The following ENAH variants were observed in gnomAD, a reference collection of about 807,000 sequenced individuals.
ENAH encodes the protein ENAH actin regulator, also known as protein enabled homolog.
A neutral mutation model predicts 78.7 loss-of-function variants in ENAH; 23 were observed. The observed-to-expected ratio is 0.29, with a 90% CI of 0.21 to 0.41. The LOEUF (loss-of-function observed/expected upper bound fraction) is 0.41, where lower values mean the gene tolerates loss of function less well. Ranked by LOEUF, ENAH falls within the 10% of genes least tolerant of loss-of-function variation. ENAH has a pLI of 1.00. For missense variants in ENAH, 544 were observed against 691.0 expected (o/e 0.79, Z 2.39); for synonymous variants, 226 against 241.0 (o/e 0.94, Z 0.58).
At chr1:225,551,003 T>C (rs1159677488) in intron 3 of ENAH, among the ~76,000 whole-genome samples, 1 of 152,232 alleles carries the variant, frequency 6.6e-6, no homozygotes, top group Non-Finnish European at 1.5e-5. Flanking sequence ...GTAGTTTATA[T>C]AATCCATAAC....
In ENAH at chr1:225,536,892, A is replaced by G. The variant is rs200382026; in HGVS notation, c.350-6254T>C. Among the ~76,000 whole-genome samples, 4 of 152,094 alleles carry G rather than the reference A, an allele frequency of 2.6e-5. No individual in the cohort carries two copies. In the East Asian group the frequency reaches 7.7e-4, roughly 29 times the overall value. On this transcript the variant is annotated intron_variant, in intron 3 of 13. Transcript: ENST00000366843. ...GCATGCACAATATTTATTTACAGTA[A>G]TGACATAAGATATAGAAAGACCACA...
Position 225,576,646 on chromosome 1 carries a change from A to G in ENAH, c.6-9232T>C, listed in dbSNP as rs80122427. On this transcript the variant is annotated intron_variant, in intron 1 of 13. Coordinates refer to ENST00000366843, the MANE Select transcript of ENAH (RefSeq NM_018212.6). The stretch of plus-strand genomic sequence containing the variant: ...AGAAAAAGCTTTACAGCAAAAGACT[A>G]GAGAATTAACACATATAACAGAGAC... Among the ~76,000 whole-genome samples the G allele has an allele frequency of 3.2e-3, 487 of 151,958 alleles. 2 individuals are homozygous for G. The highest frequency in any genetic ancestry group is 6.8e-3 in the Middle Eastern group (2 of 294).
intron 12 of ENAH, 59 bp downstream of exon 12, chr1:225,500,932 TG>T (rs2096278817): frequency 2.8e-6 from 4 of 1,438,096 alleles, no homozygotes; most frequent in Non-Finnish European, 3.9e-6. Flanking sequence ...GATATGCATA[TG>T]GGATATTTTT....
At chr1:225,555,682 C>T (rs2096663115) in intron 2 of ENAH, among the ~76,000 whole-genome samples, 1 of 152,050 alleles carries the variant, frequency 6.6e-6, no homozygotes, top group African/African-American at 2.4e-5. Flanking sequence ...AAAGTATACA[C>T]AACCTAAGAG....
chr1:225,506,326 C>T (rs1283593283), intron 11 of ENAH, among the ~76,000 whole-genome samples: 11 of 152,104 alleles, frequency 7.2e-5, no homozygotes, highest in African/African-American at 2.4e-4. Flanking sequence ...TAGCTGGCAT[C>T]GCAGGTGTGC....
At chr1:225,526,024 G>A (rs183413077) in intron 4 of ENAH, among the ~76,000 whole-genome samples, 1 of 152,200 alleles carries the variant, frequency 6.6e-6, no homozygotes, top group East Asian at 1.9e-4. Flanking sequence ...TGTCTATGGC[G>A]AGCTACAAAG....
intron 1 of ENAH, among the ~76,000 whole-genome samples, chr1:225,641,469 T>TAAA (rs76444455): frequency 0.037 from 1,904 of 52,140 alleles, 37 homozygotes; most frequent in South Asian, 0.075. Flanking sequence ...ACTCCATCTC[T>TAAA]AAAAAAAAAA....
intron 1 of ENAH, among the ~76,000 whole-genome samples, chr1:225,591,764 C>CAAAAAAAAA (rs55680042): frequency 5.1e-5 from 2 of 39,514 alleles, no homozygotes; most frequent in African/African-American, 6.6e-5. Flanking sequence ...GACTCCGTCT[C>CAAAAAAAAA]AAAAAAAAAA....
At chr1:225,569,516 G>C (rs1423302036) in intron 1 of ENAH, among the ~76,000 whole-genome samples, 2 of 152,118 alleles carry the variant, frequency 1.3e-5, no homozygotes, top group Admixed American at 6.5e-5. Context: ...GTGTCAGTAA[G>C]ATCATATAAG....
At chr1:225,615,860 T>A (rs1575735604) in intron 1 of ENAH, among the ~76,000 whole-genome samples, 1 of 149,972 alleles carries the variant, frequency 6.7e-6, no homozygotes, top group Non-Finnish European at 1.5e-5. Flanking sequence ...CGGGCCATGA[T>A]GACGATGGCG....
intron 1 of ENAH, among the ~76,000 whole-genome samples, chr1:225,588,744 G>A (rs2096859822): frequency 6.9e-6 from 1 of 145,102 alleles, no homozygotes; most frequent in African/African-American, 2.6e-5. Context: ...GGCGGAGGTT[G>A]CAGTGAGCCG....
At chr1:225,548,403 C>A (rs963888957) in intron 3 of ENAH, among the ~76,000 whole-genome samples, 2 of 152,116 alleles carry the variant, frequency 1.3e-5, no homozygotes, top group Non-Finnish European at 2.9e-5. Context: ...AACTCAAGTT[C>A]TTTCTACTAA....
chr1:225,562,932 C>G (rs1239854268), intron 2 of ENAH, among the ~76,000 whole-genome samples: 1 of 150,980 alleles, frequency 6.6e-6, no homozygotes, highest in African/African-American at 2.4e-5. Flanking sequence ...ATGGTCACAC[C>G]ACTGCATTCC....
intron 4 of ENAH, among the ~76,000 whole-genome samples, chr1:225,525,065 A>C (rs988630107): frequency 6.6e-6 from 1 of 152,168 alleles, no homozygotes; most frequent in African/African-American, 2.4e-5. Context: ...ACTAACGCTC[A>C]CCACTTCTGA....
intron 2 of ENAH, among the ~76,000 whole-genome samples, chr1:225,563,212 T>G (rs2096717314): frequency 6.6e-6 from 1 of 152,224 alleles, no homozygotes; most frequent in African/African-American, 2.4e-5. Context: ...GAGATTTTTA[T>G]GCAGACAATT....
intron 3 of ENAH, among the ~76,000 whole-genome samples, chr1:225,536,417 G>T (rs1010141840): frequency 6.6e-6 from 1 of 151,830 alleles, no homozygotes; most frequent in Non-Finnish European, 1.5e-5. Context: ...TTACTTTAGT[G>T]ACATCCAAAA....
intron 11 of ENAH, among the ~76,000 whole-genome samples, chr1:225,502,532 C>G (rs1558708889): frequency 6.6e-6 from 1 of 152,072 alleles, no homozygotes; most frequent in African/African-American, 2.4e-5. Flanking sequence ...ACTATCAAAA[C>G]GTATTACTGC....
intron 11 of ENAH, among the ~76,000 whole-genome samples, chr1:225,504,139 T>G (rs2096307072): frequency 6.6e-6 from 1 of 151,986 alleles, no homozygotes; most frequent in African/African-American, 2.4e-5. Flanking sequence ...CCTGAGTAGC[T>G]GAGACTATAG....
In ENAH at chr1:225,596,796, G is replaced by T. The variant is rs2096903896; in HGVS notation, c.6-29382C>A. 2.6e-5 allele frequency among the ~76,000 whole-genome samples: 4 copies of T among 152,252 alleles called. No homozygotes were observed. In the South Asian group the frequency reaches 8.3e-4, roughly 32 times the overall value. On this transcript the variant is annotated intron_variant, in intron 1 of 13. Coordinates refer to ENST00000366843, the MANE Select transcript of ENAH (RefSeq NM_018212.6). Reference sequence around the variant, plus strand: ...AATCAGGCAACACAGGTACAACTTGGGCAGTGAAGGGTTAAAAACTACTGT... The same window carrying T: ...AATCAGGCAACACAGGTACAACTTGTGCAGTGAAGGGTTAAAAACTACTGT...
Sources: gnomAD v4.1 joint callset for allele counts (sites outside exome capture counted in the v4.1 genomes callset) on GRCh38, gnomAD v4.1.1 for gene constraint, MANE v1.5 for transcripts, NCBI Gene and HGNC (gene_info 2026-07-23, HGNC 2026-07-21) for gene names.